Variants in RBL1 observed in about 807,000 individuals in gnomAD.
RBL1 encodes the protein RB transcriptional corepressor like 1, also known as retinoblastoma-like protein 1.
RBL1 carries 82 observed loss-of-function variants against 123.0 expected under a neutral mutation model. That is an observed-to-expected ratio of 0.67 (90% CI 0.56 to 0.80). RBL1 has a LOEUF of 0.80. Among genes scored for constraint, RBL1 ranks in the 30% least tolerant of loss-of-function variants. The pLI is 0.00. For missense variants in RBL1, 1,171 were observed against 1,299.6 expected, an observed-to-expected ratio of 0.90 and a Z score of 1.52; for synonymous variants, 405 against 441.3, an observed-to-expected ratio of 0.92 and a Z score of 1.03.
At position 37,003,700 on chromosome 20, in the gene RBL1, ACC is replaced by A; in HGVS notation, c.3036_3036+1del. ...ATCCAACTTTTAGCCTATTCACCTT[ACC>A]TTAGAAGGGCTGCCATTGAACTTGT... On this transcript the variant is annotated splice_donor_variant and coding_sequence_variant, in exon 21 of 22. Coordinates refer to ENST00000373664, the MANE Select transcript of RBL1 (RefSeq NM_002895.5). LOFTEE classifies it high-confidence loss of function. The A allele has an allele frequency of 3.7e-6, 6 of 1,600,298 alleles. No individual in the cohort carries two copies. Among genetic ancestry groups the A allele is most frequent in the Non-Finnish European group, 5.1e-6 (6 of 1,173,460 alleles).
chr20:37,056,077 C>A, intron 10 of RBL1, 69 bp downstream of exon 10: 3 of 1,520,250 alleles, frequency 2.0e-6, no homozygotes, highest in Admixed American at 4.7e-5. Context: ...GAGGAAAAAC[C>A]GTGAATTTCT....
Position 37,044,210 on chromosome 20 carries a change from C to A in RBL1, c.1646G>T (p.Arg549Met). 1.2e-6 allele frequency: 2 copies of A among 1,613,866 alleles called. No homozygotes were observed. The highest frequency in any genetic ancestry group is 1.7e-6 in the Non-Finnish European group (2 of 1,179,918). Residue 549 changes from arginine (R) to methionine (M), a missense_variant, in exon 13 of 22, where the codon AGG (arginine) becomes ATG (methionine). Arg to Met is a moderately conservative substitution (Grantham distance 91). Transcript: ENST00000373664. ...GCTGTTTAGGTGTTTCACCATGTCC[C>A]TTGAGAGCCCCTCTTCTGAGCGGAT... ...VVIRSEEGLS[R>M]DMVKHLNSIE...
intron 17 of RBL1, among the ~76,000 whole-genome samples, chr20:37,022,232 T>G (rs2064352238): frequency 6.6e-6 from 1 of 152,222 alleles, no homozygotes; most frequent in African/African-American, 2.4e-5. Context: ...GATATGTTAT[T>G]CCATGACTTA....
chr20:37,009,501 G>A (rs1259096474), intron 19 of RBL1, among the ~76,000 whole-genome samples: 1 of 152,002 alleles, frequency 6.6e-6, no homozygotes, highest in Non-Finnish European at 1.5e-5. Flanking sequence ...GGGACTACAG[G>A]TGCACGCTGC....
chr20:37,067,129 A>AG lies in RBL1; in HGVS notation c.557-9dup, dbSNP rs762930233. On this transcript the variant is annotated splice_polypyrimidine_tract_variant and intron_variant, in intron 4 of 21. Coordinates refer to ENST00000373664, the MANE Select transcript of RBL1 (RefSeq NM_002895.5). ...CAATCATCCGAAAATTACCTTTATA[A>AG]GGGAAAAAAAAAAAAAAAAGACACA... 69 of 1,565,406 alleles carry AG rather than the reference A, an allele frequency of 4.4e-5. No individual in the cohort carries two copies. Among genetic ancestry groups the AG allele is most frequent in the African/African-American group, 5.6e-5 (4 of 71,030 alleles).
At chr20:37,054,123 T>G (rs1039660483) in intron 11 of RBL1, among the ~76,000 whole-genome samples, 1 of 152,038 alleles carries the variant, frequency 6.6e-6, no homozygotes, top group Non-Finnish European at 1.5e-5. Context: ...TTAGGGAAAC[T>G]GGATAAAGGA....
At chr20:37,090,343 T>C (rs2065628643) in intron 1 of RBL1, among the ~76,000 whole-genome samples, 1 of 152,224 alleles carries the variant, frequency 6.6e-6, no homozygotes, top group Non-Finnish European at 1.5e-5. Flanking sequence ...GTCCCTGTCA[T>C]TAAGTGAAGC....
At chr20:37,080,813 TA>T (rs1193612147) in intron 2 of RBL1, among the ~76,000 whole-genome samples, 1 of 152,296 alleles carries the variant, frequency 6.6e-6, no homozygotes, top group African/African-American at 2.4e-5. Flanking sequence ...ATTCTTTGCA[TA>T]GGGGGCAATA....
chr20:37,015,569 T>G (rs1466842322), intron 19 of RBL1, among the ~76,000 whole-genome samples: 2 of 152,164 alleles, frequency 1.3e-5, no homozygotes, highest in East Asian at 1.9e-4. Context: ...CAGCTGGGAC[T>G]ACAGGCGCCC....
Position 37,056,247 on chromosome 20 carries a change from C to T in RBL1, c.1262G>A (p.Arg421His), listed in dbSNP as rs756868872. ...QLINIFESCV[R>H]NPVENIMKIL... ...TTTCATAATGTTTTCCACAGGATTACGCACACAAGATCTACAAAATACAAG... is the reference window on the plus strand; with the variant it reads ...TTTCATAATGTTTTCCACAGGATTATGCACACAAGATCTACAAAATACAAG... Residue 421 changes from arginine to histidine, a missense_variant, in exon 10 of 22, where the codon CGT becomes CAT. By Grantham distance (29) the Arg-to-His change is conservative (BLOSUM62 0). Transcript: ENST00000373664. 36 of 1,603,956 alleles carry T rather than the reference C, an allele frequency of 2.2e-5. No homozygotes were observed. Among genetic ancestry groups the T allele is most frequent in the South Asian group, 4.5e-5 (4 of 89,170 alleles).
At chr20:37,048,615 T>G (rs534537395) in intron 11 of RBL1, among the ~76,000 whole-genome samples, 17 of 152,130 alleles carry the variant, frequency 1.1e-4, no homozygotes, top group Non-Finnish European at 1.6e-4. Context: ...GATTTTTTAC[T>G]TCCACTCTTG....
At position 37,062,120 on chromosome 20, in the gene RBL1, A is replaced by T; in HGVS notation, c.1047T>A (p.Ala349=). ...DTPLGKLTAQ[A]NVEYNLQQHF... is the part of the protein sequence containing the mutation. ...GCTGTTGAAGGTTATACTCCACATT[A>T]GCCTGTGCTGTCAGTTTCCCTAATG... The change falls in exon 8 of 22, where the codon GCT becomes GCA. Residue 349 remains alanine, a synonymous_variant. Coordinates refer to ENST00000373664, the MANE Select transcript of RBL1 (RefSeq NM_002895.5). 6.2e-7 allele frequency: 1 copy of T among 1,614,182 alleles called. No individual in the cohort carries two copies. The highest frequency in any genetic ancestry group is 8.5e-7 in the Non-Finnish European group (1 of 1,180,024).
intron 1 of RBL1, among the ~76,000 whole-genome samples, chr20:37,091,450 T>C (rs1281587678): frequency 1.3e-5 from 2 of 151,746 alleles, no homozygotes; most frequent in Admixed American, 1.3e-4. Context: ...AGAGGATTGC[T>C]TGAGCTCAGG....
At position 37,061,161 on chromosome 20, in the gene RBL1, G is replaced by C; in HGVS notation, c.1192C>G (p.Gln398Glu). 6.2e-7 allele frequency: 1 copy of C among 1,613,910 alleles called. No individual in the cohort carries two copies. The highest frequency in any genetic ancestry group is 8.5e-7 in the Non-Finnish European group (1 of 1,179,872). Residue 398 changes from glutamine (Q) to glutamate (E), a missense_variant, in exon 9 of 22, where the codon CAG becomes GAG. Gln to Glu is a conservative substitution (Grantham distance 29). Coordinates refer to ENST00000373664, the MANE Select transcript of RBL1 (RefSeq NM_002895.5). ...ASATQSVSRL[Q>E]SIVAGLKNAP... Reference sequence around the variant, plus strand: ...TTTTTCAGACCAGCCACAATACTCTGTAACCGGCTCACACTTTGGGTGGCT... The same window carrying C: ...TTTTTCAGACCAGCCACAATACTCTCTAACCGGCTCACACTTTGGGTGGCT...
At chr20:37,000,127 G>A (rs1294557288) in intron 21 of RBL1, among the ~76,000 whole-genome samples, 4 of 150,186 alleles carry the variant, frequency 2.7e-5, no homozygotes, top group African/African-American at 9.8e-5. Flanking sequence ...TGTGAGGAGC[G>A]TCTCTGCCCG....
At chr20:37,064,465 C>T (rs966858799) in intron 7 of RBL1, among the ~76,000 whole-genome samples, 13 of 151,774 alleles carry the variant, frequency 8.6e-5, no homozygotes, top group African/African-American at 3.1e-4. Flanking sequence ...GCCAATTGGC[C>T]GGGTGTGGTG....
At chr20:37,015,482 G>A (rs1184559341) in intron 19 of RBL1, among the ~76,000 whole-genome samples, 1 of 151,836 alleles carries the variant, frequency 6.6e-6, no homozygotes, top group Non-Finnish European at 1.5e-5. Flanking sequence ...CCAGGGTAGA[G>A]TGCAGTGGCG....
At chr20:37,000,338 C>A (rs1354170801) in intron 21 of RBL1, among the ~76,000 whole-genome samples, 1 of 150,502 alleles carries the variant, frequency 6.6e-6, no homozygotes, top group Non-Finnish European at 1.5e-5. Flanking sequence ...AGCCCCCCAC[C>A]CGGCCAGCCG....
chr20:37,079,837 C>T (rs893946231), intron 2 of RBL1, among the ~76,000 whole-genome samples: 28 of 152,118 alleles, frequency 1.8e-4, no homozygotes, highest in African/African-American at 5.8e-4. Context: ...CTGAAGTTTA[C>T]GTAAAATTGT....
Sources: gnomAD v4.1 joint callset for allele counts (sites outside exome capture counted in the v4.1 genomes callset) on GRCh38, gnomAD v4.1.1 for gene constraint, MANE v1.5 for transcripts, NCBI Gene and HGNC (gene_info 2026-07-23, HGNC 2026-07-21) for gene names.